Variants in ZNF12 observed in about 807,000 individuals in gnomAD.
ZNF12 encodes the protein gonadotropin inducible transcription repressor 3.
In ZNF12, 34 loss-of-function variants were observed where a neutral mutation model predicts 66.6. The ratio of observed to expected loss-of-function variants is 0.51; its 90% confidence interval spans 0.39 to 0.68. The LOEUF (loss-of-function observed/expected upper bound fraction) is 0.68. Ranked by LOEUF, ZNF12 falls within the 30% of genes least tolerant of loss-of-function variation. The probability of loss-of-function intolerance (pLI) is 0.00; values close to 1 mark genes in which losing one functional copy is unlikely to be tolerated. For synonymous variants in ZNF12, 320 were observed against 278.9 expected, an observed-to-expected ratio of 1.15 and a Z score of -1.47; for missense variants, 697 against 826.9, an observed-to-expected ratio of 0.84 and a Z score of 1.93.
chr7:6,699,960 A>G (rs886396490), intron 2 of ZNF12, among the ~76,000 whole-genome samples: 6 of 152,076 alleles, frequency 3.9e-5, no homozygotes, highest in Non-Finnish European at 8.8e-5. Context: ...TTAAATCTCT[A>G]TTTTAAACCA....
Position 6,705,349 on chromosome 7 carries a change from C to G in ZNF12, c.-50-126G>C, listed in dbSNP as rs759582100. ...TCTTGTGGGAGACTGTCCCTTTAAG[C>G]CTTCAGAAGGGATTGGAAAATGATC... On this transcript the variant is annotated intron_variant, in intron 1 of 4. Coordinates refer to ENST00000405858, the MANE Select transcript of ZNF12 (RefSeq NM_016265.4). This position sits in a 1 kb window ranked among gnomAD's most constrained non-coding sequence, Gnocchi z 4.0. The G allele has an allele frequency of 4.7e-6, 3 of 638,846 alleles. No homozygotes were observed. Among genetic ancestry groups the G allele is most frequent in the Non-Finnish European group, 8.0e-6 (3 of 372,870 alleles). The allele number at this position is 638,846 out of a possible 1,614,324, so 39.6% of individuals were successfully genotyped here.
chr7:6,702,135 G>C (rs1383358742), intron 2 of ZNF12, among the ~76,000 whole-genome samples: 3 of 152,008 alleles, frequency 2.0e-5, no homozygotes, highest in African/African-American at 7.3e-5. Context: ...ACTCTTAACA[G>C]CATTTGACAC....
At chr7:6,702,303 AAC>A (rs35642461) in intron 2 of ZNF12, among the ~76,000 whole-genome samples, 29 of 122,766 alleles carry the variant, frequency 2.4e-4, no homozygotes, top group Non-Finnish European at 2.9e-4. Context: ...AAACTCCACA[AAC>A]ACACACACAC....
In ZNF12 at chr7:6,696,797, C is replaced by T. The variant is rs966242562; in HGVS notation, c.238+542G>A. ...CTGCAGTCACCAAATTTCAGGAGGG[C>T]TGGGTCTCAGGAATGAGCAGCACTG... On this transcript the variant is annotated intron_variant, in intron 4 of 4. Transcript: ENST00000405858. This position sits in a 1 kb window ranked among gnomAD's most constrained non-coding sequence, Gnocchi z 4.0. Among the ~76,000 whole-genome samples, 7 of 151,996 alleles carry T rather than the reference C, an allele frequency of 4.6e-5. No individual in the cohort carries two copies. The highest frequency in any genetic ancestry group is 1.3e-4 in the Admixed American group (2 of 15,250).
At chr7:6,693,388 T>C (rs1562599021) in intron 4 of ZNF12, among the ~76,000 whole-genome samples, 1 of 152,018 alleles carries the variant, frequency 6.6e-6, no homozygotes, top group South Asian at 2.1e-4. Flanking sequence ...CCCAGGAATG[T>C]ATATATATAT....
chr7:6,697,366 C>G lies in ZNF12; in HGVS notation c.211G>C (p.Gly71Arg). 4 of 1,611,468 alleles carry G rather than the reference C, an allele frequency of 2.5e-6. No homozygotes were observed. The highest frequency in any genetic ancestry group is 3.4e-6 in the Non-Finnish European group (4 of 1,178,858). ...GGATAGCTCTGAAGTAGGAATTCTC[C>G]TTCTACTATCCATGGCTCTTCTCCT... Reference protein sequence around the residue: ...EQGEEPWIVEGEFLLQSYPDE... With the variant: ...EQGEEPWIVEREFLLQSYPDE... The change falls in exon 4 of 5, where the codon GGA becomes CGA. Residue 71 changes from glycine to arginine, a missense_variant. Around this residue, in one of 3 missense-constraint regions of ZNF12, gnomAD observed 55 missense variants for 83.9 expected, o/e 0.66. Coordinates refer to ENST00000405858, the MANE Select transcript of ZNF12 (RefSeq NM_016265.4). This position sits in a 1 kb window ranked among gnomAD's most constrained non-coding sequence, Gnocchi z 6.1.
At chr7:6,706,032 G>A (rs886588759) in intron 1 of ZNF12, among the ~76,000 whole-genome samples, 1 of 152,152 alleles carries the variant, frequency 6.6e-6, no homozygotes, top group South Asian at 2.1e-4. Context: ...ACCTGCTAAG[G>A]CCCTTCCCCT....
In ZNF12 at chr7:6,692,443, C is replaced by A; in HGVS notation, c.499G>T (p.Glu167Ter). 1 of 1,613,160 alleles carries A rather than the reference C, an allele frequency of 6.2e-7. No individual in the cohort carries two copies. Among genetic ancestry groups the A allele is most frequent in the Non-Finnish European group, 8.5e-7 (1 of 1,179,444 alleles). Residue 167 changes from glutamate (E) to a stop codon, truncating the protein, a stop_gained, in exon 5 of 5, where the codon GAA becomes TAA. Coordinates refer to ENST00000405858, the MANE Select transcript of ZNF12 (RefSeq NM_016265.4). LOFTEE classifies it high-confidence loss of function. The surrounding 1 kb of genome is among the most constrained non-coding windows in gnomAD (Gnocchi z 5.1). ...AGTGATTTCCCACATCCACTACATTCATCAGCTTTCATTCTTGCATAGCTT... is the reference window on the plus strand; with the variant it reads ...AGTGATTTCCCACATCCACTACATTAATCAGCTTTCATTCTTGCATAGCTT... ...DGSYARMKAD[E>*]CSGCGKSLLH...
rs1352505542 is a variant in ZNF12, at chr7:6,689,322, A to G, written c.*1526T>C. On this transcript the variant is annotated 3_prime_UTR_variant, in exon 5 of 5. Transcript: ENST00000405858. The stretch of plus-strand genomic sequence containing the variant: ...CTGAAAGATGGTTACCAGGCACCAC[A>G]TCCAGACAAGGTACTGTTCACCACA... The G allele has an allele frequency of 6.6e-6, 1 of 152,220 alleles. No homozygotes were observed. Among genetic ancestry groups the G allele is most frequent in the African/African-American group, 2.4e-5 (1 of 41,446 alleles). The allele number at this position is 152,220 out of a possible 1,614,324, so 9.4% of individuals were successfully genotyped here. A position where few individuals can be genotyped will look rare whatever the true frequency, so the allele number is the denominator to read the frequency against.
In ZNF12 at chr7:6,688,438, A is replaced by G. The variant is rs752116439; in HGVS notation, c.*2410T>C. On this transcript the variant is annotated 3_prime_UTR_variant, in exon 5 of 5. Coordinates refer to ENST00000405858, the MANE Select transcript of ZNF12 (RefSeq NM_016265.4). This position sits in a 1 kb window ranked among gnomAD's most constrained non-coding sequence, Gnocchi z 4.3. The stretch of plus-strand genomic sequence containing the variant: ...AAGAAGAAAATGCCAAGCCATTTAC[A>G]GTTTTCAAATATTTTACTGAAAATG... 6 of 152,270 alleles carry G rather than the reference A, an allele frequency of 3.9e-5. No homozygotes were observed. Among genetic ancestry groups the G allele is most frequent in the Non-Finnish European group, 7.3e-5 (5 of 68,050 alleles). The allele number at this position is 152,270 out of a possible 1,614,324, so 9.4% of individuals were successfully genotyped here.
chr7:6,695,742 T>G (rs1019214825), intron 4 of ZNF12, among the ~76,000 whole-genome samples: 3 of 152,234 alleles, frequency 2.0e-5, no homozygotes, highest in African/African-American at 7.2e-5. Context: ...TCAGAGTCAC[T>G]TCTTTATCCT....
At chr7:6,701,951 C>CA (rs34380276) in intron 2 of ZNF12, among the ~76,000 whole-genome samples, 3,547 of 127,166 alleles carry the variant, frequency 0.028, 63 homozygotes, top group South Asian at 0.048. Context: ...CAAAATTTCT[C>CA]AAAAAAAAAA....
rs776672044 is a variant in ZNF12 at position 6,690,353 on chromosome 7, A to G, written c.*495T>C. On this transcript the variant is annotated 3_prime_UTR_variant, in exon 5 of 5. Transcript: ENST00000405858. ...CCTATGTTCTTTGGGAACTGCTTAC[A>G]TGAGTTTAAGGTTACCGACTTAACT... 5 of 152,512 alleles carry G rather than the reference A, an allele frequency of 3.3e-5. No homozygotes were observed. Among genetic ancestry groups the G allele is most frequent in the East Asian group, 1.9e-4 (1 of 5,200 alleles). The allele number at this position is 152,512 out of a possible 1,614,324, so 9.4% of individuals were successfully genotyped here.
intron 2 of ZNF12, among the ~76,000 whole-genome samples, chr7:6,700,007 C>T (rs573418103): frequency 4.3e-4 from 66 of 151,730 alleles, no homozygotes; most frequent in Non-Finnish European, 7.2e-4. Context: ...CAGGGACGGC[C>T]GGGCGTGGTG....
At chr7:6,700,609 C>G (rs1414408103) in intron 2 of ZNF12, among the ~76,000 whole-genome samples, 4 of 152,156 alleles carry the variant, frequency 2.6e-5, no homozygotes, top group Admixed American at 6.5e-5. Context: ...TTCACAATGT[C>G]AGTCTCTATT....
At position 6,689,508 on chromosome 7, in the gene ZNF12, A is replaced by G. The variant is rs1780034040; in HGVS notation, c.*1340T>C. On this transcript the variant is annotated 3_prime_UTR_variant, in exon 5 of 5. Transcript: ENST00000405858. Reference sequence around the variant, plus strand: ...AAGGGGAGTGTCACTGGTTAAAACTAATCAGGATTTATCTCACTTCCTTTT... The same window carrying G: ...AAGGGGAGTGTCACTGGTTAAAACTGATCAGGATTTATCTCACTTCCTTTT... 1 of 152,368 alleles carries G rather than the reference A, an allele frequency of 6.6e-6. No homozygotes were observed. The highest frequency in any genetic ancestry group is 6.5e-5 in the Admixed American group (1 of 15,290). 9.4% of individuals were successfully genotyped at this position (152,368 alleles called of 1,614,324 possible).
rs1780078873 is a variant in ZNF12 at position 6,692,129 on chromosome 7, G to A, written c.813C>T (p.Cys271=). 1.2e-6 allele frequency: 2 copies of A among 1,613,828 alleles called. No homozygotes were observed. The highest frequency in any genetic ancestry group is 1.3e-5 in the African/African-American group (1 of 74,880). ...TACAGAAGGATTTCCCACATTCACT[G>A]CATTCATAGGGCTTCATTTCCATAT... ...TSHMEMKPYE[C]SECGKSFCKK... is the part of the protein sequence containing the mutation. Residue 271 remains cysteine (C), a synonymous_variant, in exon 5 of 5, where the codon TGC becomes TGT. Transcript: ENST00000405858. The surrounding 1 kb of genome is among the most constrained non-coding windows in gnomAD (Gnocchi z 5.1).
In ZNF12 at chr7:6,705,039, T is replaced by C. The variant is rs1780331219; in HGVS notation, c.15+120A>G. ...GGCTTGGTGCTGATGGCTACTGTTCTGTCTGACCAAATCTTGTATCTATTT... is the reference window on the plus strand; with the variant it reads ...GGCTTGGTGCTGATGGCTACTGTTCCGTCTGACCAAATCTTGTATCTATTT... On this transcript the variant is annotated intron_variant, in intron 2 of 4. Coordinates refer to ENST00000405858, the MANE Select transcript of ZNF12 (RefSeq NM_016265.4). The surrounding 1 kb of genome is among the most constrained non-coding windows in gnomAD (Gnocchi z 4.0). 9.8e-6 allele frequency: 12 copies of C among 1,219,730 alleles called. No individual in the cohort carries two copies. The highest frequency in any genetic ancestry group is 1.4e-5 in the Non-Finnish European group (12 of 885,750). The allele number at this position is 1,219,730 out of a possible 1,614,324, so 75.6% of individuals were successfully genotyped here. A position where few individuals can be genotyped will look rare whatever the true frequency, so the allele number is the denominator to read the frequency against.
chr7:6,699,024 C>T (rs1481906332), intron 2 of ZNF12, among the ~76,000 whole-genome samples: 1 of 152,218 alleles, frequency 6.6e-6, no homozygotes, highest in Non-Finnish European at 1.5e-5. Context: ...GCTCTGACCA[C>T]TTTCCAAATT....
Sources: gnomAD v4.1 joint callset for allele counts (sites outside exome capture counted in the v4.1 genomes callset) on GRCh38, gnomAD v4.1.1 for gene constraint, gnomAD v4.1.1 regional missense constraint, Gnocchi (gnomAD v3.1) non-coding constraint, MANE v1.5 for transcripts, NCBI Gene and HGNC (gene_info 2026-07-23, HGNC 2026-07-21) for gene names.